Variants in SFMBT2 observed in about 807,000 individuals in gnomAD.
SFMBT2 encodes the protein Scm like with four mbt domains 2.
Under a neutral mutation model 110.1 loss-of-function variants are expected in SFMBT2, and 38 were observed. The ratio of observed to expected loss-of-function variants is 0.35; its 90% CI spans 0.27 to 0.45. The LOEUF (loss-of-function observed/expected upper bound fraction) is 0.45, where lower values mean the gene tolerates loss of function less well. SFMBT2 is among the 20% of genes least tolerant of loss of function. The pLI, the probability that SFMBT2 is intolerant of heterozygous loss-of-function variation, is 1.00. For synonymous variants in SFMBT2, 425 were observed against 425.4 expected, an observed-to-expected ratio of 1.00 and a Z score of 0.01; for missense variants, 1,011 against 1,094.9, an observed-to-expected ratio of 0.92 and a Z score of 1.08.
intron 4 of SFMBT2, among the ~76,000 whole-genome samples, chr10:7,331,731 G>A (rs764191596): frequency 1.3e-5 from 2 of 152,042 alleles, no homozygotes; most frequent in African/African-American, 2.4e-5. Context: ...ATGGGACCCT[G>A]TGCGCATCAC....
chr10:7,210,432 C>T (rs890088589), intron 11 of SFMBT2, among the ~76,000 whole-genome samples: 5 of 152,074 alleles, frequency 3.3e-5, no homozygotes, highest in Non-Finnish European at 7.4e-5. Context: ...GGACCCAGGG[C>T]GAGGGAGGCT....
At chr10:7,274,620 A>T (rs1273216144) in intron 7 of SFMBT2, among the ~76,000 whole-genome samples, 1 of 152,146 alleles carries the variant, frequency 6.6e-6, no homozygotes, top group Non-Finnish European at 1.5e-5. Context: ...GCTTTGCTGA[A>T]CTGTGAGTCA....
chr10:7,367,808 C>T lies in SFMBT2; in HGVS notation c.277G>A (p.Val93Met). Residue 93 changes from valine to methionine, a missense_variant, in exon 4 of 21, where the codon GTG becomes ATG. Physicochemically the swap from Val to Met is conservative, Grantham distance 21. Around this residue, in one of 2 missense-constraint regions of SFMBT2, gnomAD observed 979 missense variants for 1,016.1 expected, o/e 0.96. Coordinates refer to ENST00000397167, the MANE Select transcript of SFMBT2 (RefSeq NM_001387889.1). The surrounding 1 kb of genome is among the most constrained non-coding windows in gnomAD (Gnocchi z 6.2). ...ANKNNPDTYW[V>M]ATIITTCGQL... ...CCGCACGTGGTAATGATCGTGGCCACCCAGTACGTGTCCGGGTTGTTCTTA... is the reference window on the plus strand; with the variant it reads ...CCGCACGTGGTAATGATCGTGGCCATCCAGTACGTGTCCGGGTTGTTCTTA... The T allele has an allele frequency of 6.2e-7, 1 of 1,614,202 alleles. No homozygotes were observed. Among genetic ancestry groups the T allele is most frequent in the Non-Finnish European group, 8.5e-7 (1 of 1,180,040 alleles).
intron 11 of SFMBT2, chr10:7,214,720 T>C: frequency 2.0e-6 from 2 of 985,502 alleles, no homozygotes. Flanking sequence ...AAAAACTTAC[T>C]GTCCAAAGCT....
chr10:7,392,986 TATATATATATATATA>T (rs1845813634), intron 1 of SFMBT2, among the ~76,000 whole-genome samples: 1 of 5,286 alleles, frequency 1.9e-4, no homozygotes, highest in African/African-American at 4.6e-4. Context: ...GGATAGATTA[TATATATATATATATA>T]TATATATATA....
At chr10:7,272,194 G>A (rs572091558) in intron 7 of SFMBT2, among the ~76,000 whole-genome samples, 1 of 152,266 alleles carries the variant, frequency 6.6e-6, no homozygotes, top group South Asian at 2.1e-4. Flanking sequence ...AGCAGTGCCA[G>A]GTTAAAACAG....
chr10:7,354,272 T>A (rs1844426812), intron 4 of SFMBT2, among the ~76,000 whole-genome samples: 2 of 152,154 alleles, frequency 1.3e-5, no homozygotes, highest in Non-Finnish European at 2.9e-5. Context: ...TTAAAAAATT[T>A]CTTTGACCAT....
chr10:7,165,541 A>G (rs1454335915), intron 20 of SFMBT2, among the ~76,000 whole-genome samples: 1 of 152,262 alleles, frequency 6.6e-6, no homozygotes, highest in East Asian at 1.9e-4. Context: ...CCTAATAAGT[A>G]CTGTAGCAAT....
intron 4 of SFMBT2, among the ~76,000 whole-genome samples, chr10:7,357,281 C>T (rs1277153087): frequency 6.6e-6 from 1 of 152,160 alleles, no homozygotes; most frequent in Non-Finnish European, 1.5e-5. Context: ...GACATCTGGT[C>T]ACACATTACT....
At chr10:7,294,115 C>T (rs1386262540) in intron 4 of SFMBT2, among the ~76,000 whole-genome samples, 1 of 152,170 alleles carries the variant, frequency 6.6e-6, no homozygotes, top group Non-Finnish European at 1.5e-5. Flanking sequence ...GAAATATGTA[C>T]TTCCCCACTG....
chr10:7,345,602 C>A (rs1844085841), intron 4 of SFMBT2, among the ~76,000 whole-genome samples: 1 of 152,172 alleles, frequency 6.6e-6, no homozygotes, highest in Non-Finnish European at 1.5e-5. Context: ...CGTGATCTAC[C>A]CACCTTGGCC....
chr10:7,192,623 G>A (rs781739907), intron 15 of SFMBT2, among the ~76,000 whole-genome samples: 11 of 152,174 alleles, frequency 7.2e-5, no homozygotes, highest in Non-Finnish European at 1.3e-4. Context: ...AAACACGGAG[G>A]GAAATCGCTT....
intron 4 of SFMBT2, among the ~76,000 whole-genome samples, chr10:7,323,440 G>A (rs1396892113): frequency 3.5e-4 from 35 of 100,158 alleles, no homozygotes; most frequent in African/African-American, 1.3e-3. Context: ...AACAGAGCAA[G>A]ACTCCATCTC....
chr10:7,269,038 T>C (rs1484839772), intron 7 of SFMBT2, among the ~76,000 whole-genome samples: 4 of 76,858 alleles, frequency 5.2e-5, no homozygotes, highest in Admixed American at 1.5e-4. Flanking sequence ...AATAACAGGG[T>C]TCGTCTTCAA....
In SFMBT2 at chr10:7,199,209, G is replaced by A. The variant is rs543098680; in HGVS notation, c.1558+1205C>T. ...GGCCAGGCTGGCCTCGAACTCCTGA[G>A]CTCAAGCAATCTGCCTGCTTCAGCC... On this transcript the variant is annotated intron_variant, in intron 14 of 20. Transcript: ENST00000397167. Among the ~76,000 whole-genome samples, 96 of 152,264 alleles carry A rather than the reference G, an allele frequency of 6.3e-4. 2 individuals are homozygous for A. The East Asian group carries it at 0.017, about 27-fold the overall frequency.
chr10:7,264,404 C>T (rs943977491), intron 7 of SFMBT2, among the ~76,000 whole-genome samples: 5 of 152,114 alleles, frequency 3.3e-5, no homozygotes, highest in Non-Finnish European at 7.3e-5. Context: ...CAGAAGGACA[C>T]CAAGACACTG....
intron 7 of SFMBT2, among the ~76,000 whole-genome samples, chr10:7,255,425 G>A (rs1055446192): frequency 2.0e-5 from 3 of 152,148 alleles, no homozygotes; most frequent in African/African-American, 7.2e-5. Flanking sequence ...AAGAAATACT[G>A]TTTACTTCAG....
chr10:7,187,052 A>C (rs560637553), intron 16 of SFMBT2, among the ~76,000 whole-genome samples: 1 of 152,370 alleles, frequency 6.6e-6, no homozygotes, highest in South Asian at 2.1e-4. Context: ...GCTGGATTTA[A>C]TAAAAAGCTC....
At chr10:7,342,396 CTTTTTTTTTTTTTT>C (rs71382101) in intron 4 of SFMBT2, among the ~76,000 whole-genome samples, 2 of 69,628 alleles carry the variant, frequency 2.9e-5, no homozygotes, top group Admixed American at 1.9e-4. Flanking sequence ...TGGAGTGAGT[CTTTTTTTTTTTTTT>C]TTTTTTTTTT....
Sources: allele counts gnomAD v4.1 joint callset (sites outside exome capture counted in the v4.1 genomes callset), GRCh38; gene constraint gnomAD v4.1.1; regional missense constraint gnomAD v4.1.1; non-coding constraint Gnocchi (gnomAD v3.1); transcripts MANE v1.5; gene names NCBI Gene and HGNC (gene_info 2026-07-23, HGNC 2026-07-21).